ZNF347: variants seen among roughly 807,000 people sequenced by gnomAD.
ZNF347 encodes zinc finger protein 347.
Under a neutral mutation model 12.9 loss-of-function variants are expected in ZNF347, and 19 were observed. That is an observed-to-expected ratio of 1.47 (90% CI 1.03 to 2.16). The LOEUF is 2.16. Ranked by LOEUF, ZNF347 falls within the 30% of genes most tolerant of loss-of-function variation. ZNF347 has a pLI of 0.00. For synonymous variants in ZNF347, 328 were observed against 340.6 expected (o/e 0.96, Z 0.41); for missense variants, 1,005 against 990.6 (o/e 1.01, Z -0.19).
chr19:53,142,086 G>C lies in ZNF347; in HGVS notation c.742C>G (p.Leu248Val). ...YLKDFISSLL[L>V]TQGQKANNWG... is the part of the protein sequence containing the mutation. ...TTATTTGCTTTTTGCCCCTGTGTGA[G>C]TAATAAAGAAGAGATAAAATCTTTG... is the stretch of plus-strand genomic sequence containing the variant. Residue 248 changes from leucine to valine, a missense_variant, in exon 5 of 5, where the codon CTC becomes GTC. Transcript: ENST00000334197. 3.7e-6 allele frequency: 6 copies of C among 1,612,856 alleles called. No individual in the cohort carries two copies. Among genetic ancestry groups the C allele is most frequent in the Non-Finnish European group, 4.2e-6 (5 of 1,179,700 alleles).
rs554356938 is a variant in ZNF347, at chr19:53,149,425, A to G, written c.16-58T>C. The stretch of plus-strand genomic sequence containing the variant: ...TAAGGAAAAGCTCCAATCTTCACAT[A>G]AAATGAGAAGACAGAATAGATTAAA... On this transcript the variant is annotated intron_variant, in intron 2 of 4. Coordinates refer to ENST00000334197, the MANE Select transcript of ZNF347 (RefSeq NM_032584.3). The G allele has an allele frequency of 9.3e-6, 15 of 1,608,846 alleles. No homozygotes were observed. The African/African-American group carries it at 2.0e-4, about 21-fold the overall frequency.
In ZNF347 at chr19:53,153,734, T is replaced by C; in HGVS notation, c.14A>G (p.Gln5Arg). Residue 5 changes from glutamine (Q) to arginine (R), a missense_variant and splice_region_variant, in exon 2 of 5, where the codon CAG becomes CGG. Transcript: ENST00000334197. ...AATCCACTGATAATATTACCTTACCTGGGTGAGAGCCATGCCTGACTTGTC... is the reference window on the plus strand; with the variant it reads ...AATCCACTGATAATATTACCTTACCCGGGTGAGAGCCATGCCTGACTTGTC... MALT[Q>R]GQVTFRDVAI... 1 of 1,613,958 alleles carries C rather than the reference T, an allele frequency of 6.2e-7. No homozygotes were observed. Among genetic ancestry groups the C allele is most frequent in the Non-Finnish European group, 8.5e-7 (1 of 1,179,798 alleles).
At chr19:53,143,233 AT>A (rs1351335282) in intron 4 of ZNF347, among the ~76,000 whole-genome samples, 4 of 151,962 alleles carry the variant, frequency 2.6e-5, no homozygotes, top group Non-Finnish European at 5.9e-5. Context: ...TTATTTATTT[AT>A]TTTTTATTAT....
chr19:53,154,328 A>AC (rs1478957574), intron 1 of ZNF347, among the ~76,000 whole-genome samples: 3 of 152,108 alleles, frequency 2.0e-5, no homozygotes, highest in Non-Finnish European at 4.4e-5. Flanking sequence ...TTAAAAAAAA[A>AC]AAGTAATAAA....
intron 3 of ZNF347, 27 bp from the exon 4 acceptor site, chr19:53,148,836 T>G: frequency 6.2e-7 from 1 of 1,609,960 alleles, no homozygotes; most frequent in Non-Finnish European, 8.5e-7. Context: ...AGGAAAACAA[T>G]GGGCTGTAGA....
chr19:53,135,142 CCT>C lies in ZNF347; in HGVS notation c.*5164_*5165del, dbSNP rs1271127296. Reference sequence around the variant, plus strand: ...AACATGGATTCAAATCTCGATTCTGCCTCTTACTGAAATGTGACAAGATGAGT... The same window carrying C: ...AACATGGATTCAAATCTCGATTCTGCCTTACTGAAATGTGACAAGATGAGT... On this transcript the variant is annotated 3_prime_UTR_variant, in exon 5 of 5. Transcript: ENST00000334197. 6.6e-6 allele frequency: 1 copy of C among 151,772 alleles called. No homozygotes were observed. The highest frequency in any genetic ancestry group is 1.5e-5 in the Non-Finnish European group (1 of 67,992). The allele number at this position is 151,772 out of a possible 1,614,324, so 9.4% of individuals were successfully genotyped here.
At chr19:53,147,811 C>A (rs2146806728) in intron 4 of ZNF347, among the ~76,000 whole-genome samples, 1 of 152,240 alleles carries the variant, frequency 6.6e-6, no homozygotes, top group African/African-American at 2.4e-5. Context: ...AAAAGACATT[C>A]ACCATGATCA....
Position 53,140,965 on chromosome 19 carries a change from T to G in ZNF347, c.1863A>C (p.Gly621=). 6.2e-7 allele frequency: 1 copy of G among 1,613,992 alleles called. No individual in the cohort carries two copies. Among genetic ancestry groups the G allele is most frequent in the Admixed American group, 1.7e-5 (1 of 59,984 alleles). ...ACTCATTATACTTGTAAGGTTTCTCTCCAGTATGAATTCGCTGATGCCTTG... is the reference window on the plus strand; with the variant it reads ...ACTCATTATACTTGTAAGGTTTCTCGCCAGTATGAATTCGCTGATGCCTTG... ...YLSRHQRIHT[G]EKPYKYNEYG... The change falls in exon 5 of 5, where the codon GGA becomes GGC. Residue 621 remains glycine, a synonymous_variant. Coordinates refer to ENST00000334197, the MANE Select transcript of ZNF347 (RefSeq NM_032584.3).
chr19:53,144,130 C>T (rs2090447016), intron 4 of ZNF347, among the ~76,000 whole-genome samples: 1 of 151,914 alleles, frequency 6.6e-6, no homozygotes, highest in East Asian at 1.9e-4. Context: ...CCTTACCTAT[C>T]AATAATAACA....
rs755497211 is a variant in ZNF347 at position 53,136,608 on chromosome 19, AAT to A, written c.*3698_*3699del. On this transcript the variant is annotated 3_prime_UTR_variant, in exon 5 of 5. Transcript: ENST00000334197. ...AAAAAAAAGAAAAGAAGCTATGGAG[AAT>A]ATGTTACACAATACCATAAACTGAA... 4 of 152,102 alleles carry A rather than the reference AAT, an allele frequency of 2.6e-5. No individual in the cohort carries two copies. The highest frequency in any genetic ancestry group is 2.6e-4 in the Admixed American group (4 of 15,268). 9.4% of individuals were successfully genotyped at this position (152,102 alleles called of 1,614,324 possible). A position where few individuals can be genotyped will look rare whatever the true frequency, so the allele number is the denominator to read the frequency against.
chr19:53,151,446 G>A (rs1023876198), intron 2 of ZNF347, among the ~76,000 whole-genome samples: 1 of 151,170 alleles, frequency 6.6e-6, no homozygotes, highest in Non-Finnish European at 1.5e-5. Context: ...GCTGAGGCAG[G>A]AGAATGGCAT....
chr19:53,141,740 T>C lies in ZNF347; in HGVS notation c.1088A>G (p.His363Arg). The stretch of plus-strand genomic sequence containing the variant: ...TTTCTCTCCAGTATGAATTCCTCGA[T>C]GTCTTACAAGGTGTGAATTCTGAGT... ...VFTQNSHLVR[H>R]RGIHTGEKPY... The change falls in exon 5 of 5, where the codon CAT becomes CGT. Residue 363 changes from histidine (H) to arginine (R), a missense_variant. Physicochemically the swap from His to Arg is conservative, Grantham distance 29. Transcript: ENST00000334197. 6.2e-7 allele frequency: 1 copy of C among 1,613,982 alleles called. No individual in the cohort carries two copies. Among genetic ancestry groups the C allele is most frequent in the Middle Eastern group, 1.6e-4 (1 of 6,062 alleles).
At chr19:53,158,834 A>C (rs141148165) in intron 1 of ZNF347, 175 bp downstream of exon 1, 2,359 of 147,068 alleles carry the variant, frequency 0.016, 31 homozygotes, top group African/African-American at 0.029. Context: ...GAGGCGGAGG[A>C]TGCGGTGAGC....
At chr19:53,151,621 A>C (rs998575665) in intron 2 of ZNF347, among the ~76,000 whole-genome samples, 5 of 152,160 alleles carry the variant, frequency 3.3e-5, no homozygotes, top group Non-Finnish European at 7.4e-5. Context: ...CAAGTTCATG[A>C]ATAACAACAT....
At chr19:53,143,712 G>C (rs945467542) in intron 4 of ZNF347, among the ~76,000 whole-genome samples, 3 of 152,058 alleles carry the variant, frequency 2.0e-5, no homozygotes, top group Non-Finnish European at 4.4e-5. Context: ...CTTTATAGCA[G>C]CATGATTTAT....
intron 4 of ZNF347, among the ~76,000 whole-genome samples, chr19:53,145,772 T>C (rs2090458922): frequency 6.6e-6 from 1 of 151,946 alleles, no homozygotes; most frequent in Non-Finnish European, 1.5e-5. Context: ...GAGGAAAGTT[T>C]GTAGCAATAA....
At chr19:53,155,847 C>A (rs2090530245) in intron 1 of ZNF347, among the ~76,000 whole-genome samples, 1 of 152,180 alleles carries the variant, frequency 6.6e-6, no homozygotes, top group Admixed American at 6.5e-5. Flanking sequence ...CATTCCCAGT[C>A]ACTACTGAGT....
Position 53,141,588 on chromosome 19 carries a change from A to G in ZNF347, c.1240T>C (p.Ser414Pro), listed in dbSNP as rs1568636654. The change falls in exon 5 of 5, where the codon TCA becomes CCA. Residue 414 changes from serine (S) to proline (P), a missense_variant. Ser to Pro is a moderately conservative substitution (Grantham distance 74, BLOSUM62 -1). Coordinates refer to ENST00000334197, the MANE Select transcript of ZNF347 (RefSeq NM_032584.3). ...NECGKVFTQN[S>P]HLTNHWRIHT... is the part of the protein sequence containing the mutation. The stretch of plus-strand genomic sequence containing the variant: ...ATTCTCCAGTGATTTGTAAGGTGTG[A>G]ATTTTGAGTGAAGACCTTGCCACAT... 1.9e-6 allele frequency: 3 copies of G among 1,613,968 alleles called. No homozygotes were observed. Among genetic ancestry groups the G allele is most frequent in the Non-Finnish European group, 2.5e-6 (3 of 1,179,968 alleles).
chr19:53,141,711 A>G lies in ZNF347; in HGVS notation c.1117T>C (p.Tyr373His). 1.9e-6 allele frequency: 3 copies of G among 1,614,064 alleles called. No individual in the cohort carries two copies. The highest frequency in any genetic ancestry group is 2.5e-6 in the Non-Finnish European group (3 of 1,179,976). ...GCTTTCCCACACTCATTACACTTGT[A>G]AGGTTTCTCTCCAGTATGAATTCCT... The part of the protein sequence containing the change: ...HRGIHTGEKP[Y>H]KCNECGKAFR... The change falls in exon 5 of 5, where the codon TAC becomes CAC. Residue 373 changes from tyrosine to histidine, a missense_variant. Tyr to His is a moderately conservative substitution (Grantham distance 83). Coordinates refer to ENST00000334197, the MANE Select transcript of ZNF347 (RefSeq NM_032584.3).
Sources: gnomAD v4.1 joint callset for allele counts (sites outside exome capture counted in the v4.1 genomes callset) on GRCh38, gnomAD v4.1.1 for gene constraint, MANE v1.5 for transcripts, NCBI Gene and HGNC (gene_info 2026-07-23, HGNC 2026-07-21) for gene names.